The following EPB41L2 variants were observed in gnomAD, a reference collection of about 807,000 sequenced individuals.
EPB41L2 encodes the protein erythrocyte membrane protein band 4.1 like 2.
Under a neutral mutation model 113.0 loss-of-function variants are expected in EPB41L2, and 43 were observed. That is an observed-to-expected ratio of 0.38 (90% CI 0.30 to 0.49). The LOEUF (loss-of-function observed/expected upper bound fraction) is 0.49. EPB41L2 is among the 20% of genes least tolerant of loss of function. EPB41L2 has a pLI of 0.95. For synonymous variants in EPB41L2, 442 were observed against 436.7 expected (o/e 1.01, Z -0.15); for missense variants, 1,147 against 1,223.4 (o/e 0.94, Z 0.93).
At chr6:130,929,161 G>A (rs551675741) in intron 3 of EPB41L2, among the ~76,000 whole-genome samples, 1 of 152,158 alleles carries the variant, frequency 6.6e-6, no homozygotes, top group Non-Finnish European at 1.5e-5. Flanking sequence ...AACAACACAT[G>A]AAGCACATGT....
intron 1 of EPB41L2, among the ~76,000 whole-genome samples, chr6:131,006,847 C>A (rs747399206): frequency 6.6e-6 from 1 of 152,022 alleles, no homozygotes; most frequent in Non-Finnish European, 1.5e-5. Context: ...CCAGCTCAAT[C>A]CCTCTTCTCC....
intron 10 of EPB41L2, among the ~76,000 whole-genome samples, chr6:130,893,167 TTTG>T (rs1473033915): frequency 2.6e-5 from 4 of 152,164 alleles, no homozygotes; most frequent in Non-Finnish European, 4.4e-5. Flanking sequence ...TATATACATA[TTTG>T]TTGTTGTTTT....
intron 12 of EPB41L2, 45 bp downstream of exon 12, chr6:130,885,051 G>T (rs1396066822): frequency 3.1e-6 from 5 of 1,599,412 alleles, no homozygotes; most frequent in Non-Finnish European, 4.3e-6. Flanking sequence ...TACCCTCTAG[G>T]TTAAGTAAAT....
chr6:130,869,439 G>T, intron 15 of EPB41L2, 124 bp downstream of exon 15: 1 of 915,146 alleles, frequency 1.1e-6, no homozygotes, highest in Non-Finnish European at 1.6e-6. Context: ...CCTCCCATGA[G>T]AGAGAAAAAT....
chr6:130,863,688 T>C lies in EPB41L2; in HGVS notation c.2860A>G (p.Ile954Val). Residue 954 changes from isoleucine (I) to valine (V), a missense_variant, in exon 18 of 20, where the codon ATT becomes GTT. Physicochemically the swap from Ile to Val is conservative, Grantham distance 29. Coordinates refer to ENST00000337057, the MANE Select transcript of EPB41L2 (RefSeq NM_001431.4). Reference protein sequence around the residue: ...TVKGGISETRIEKRIVITGDG... With the variant: ...TVKGGISETRVEKRIVITGDG... ...CCTGTGATCACAATGCGTTTCTCAA[T>C]TCTTGTTTCAGAAATTCCACCTTTT... The C allele has an allele frequency of 6.2e-7, 1 of 1,613,800 alleles. No individual in the cohort carries two copies. The highest frequency in any genetic ancestry group is 1.3e-5 in the African/African-American group (1 of 75,054).
intron 19 of EPB41L2, among the ~76,000 whole-genome samples, chr6:130,850,467 AACG>A (rs1372074879): frequency 6.6e-6 from 1 of 152,204 alleles, no homozygotes; most frequent in African/African-American, 2.4e-5. Context: ...ATGATGAGGT[AACG>A]ACAAGGACCA....
chr6:130,897,993 GACAGAA>G lies in EPB41L2; in HGVS notation c.1236+1492_1236+1497del, dbSNP rs202182318. Among the ~76,000 whole-genome samples the G allele has an allele frequency of 5.7e-3, 850 of 149,060 alleles. 5 individuals carry two copies. Among genetic ancestry groups the G allele is most frequent in the African/African-American group, 0.02 (820 of 40,410 alleles). On this transcript the variant is annotated intron_variant, in intron 8 of 19. Coordinates refer to ENST00000337057, the MANE Select transcript of EPB41L2 (RefSeq NM_001431.4). ...ATGATGCTGCCAGAGACTACTTACT[GACAGAA>G]AAATCTTATAATAGTAAGTTAAAAA...
intron 3 of EPB41L2, among the ~76,000 whole-genome samples, chr6:130,934,955 C>T (rs1808289577): frequency 6.6e-6 from 1 of 151,798 alleles, no homozygotes; most frequent in African/African-American, 2.4e-5. Context: ...GTATACTATT[C>T]CTTAGAGAAT....
chr6:131,038,547 T>C (rs986118293), intron 1 of EPB41L2, among the ~76,000 whole-genome samples: 1 of 152,206 alleles, frequency 6.6e-6, no homozygotes, highest in African/African-American at 2.4e-5. Context: ...AAAATAATCT[T>C]GTAAAGTTAT....
intron 11 of EPB41L2, 36 bp from the exon 12 acceptor site, chr6:130,885,304 C>T (rs780466734): frequency 1.0e-5 from 16 of 1,605,444 alleles, no homozygotes; most frequent in Non-Finnish European, 1.4e-5. Flanking sequence ...TATTTTAGGA[C>T]ATATGAATCA....
intron 19 of EPB41L2, among the ~76,000 whole-genome samples, chr6:130,851,053 T>C (rs1778636921): frequency 6.6e-6 from 1 of 152,180 alleles, no homozygotes; most frequent in Non-Finnish European, 1.5e-5. Context: ...GAAGCAGTAA[T>C]AAGATGCTAA....
At chr6:130,947,020 C>T (rs1009884745) in intron 3 of EPB41L2, among the ~76,000 whole-genome samples, 2 of 138,048 alleles carry the variant, frequency 1.4e-5, no homozygotes, top group Non-Finnish European at 3.1e-5. Flanking sequence ...AAAGAAGACC[C>T]CCCCCCCAGC....
chr6:131,041,666 T>A (rs889193637), intron 1 of EPB41L2, among the ~76,000 whole-genome samples: 1 of 152,100 alleles, frequency 6.6e-6, no homozygotes, highest in African/African-American at 2.4e-5. Context: ...AATTCCAGAA[T>A]GTGGGAAACT....
At chr6:130,957,855 A>G (rs1369628824) in intron 1 of EPB41L2, among the ~76,000 whole-genome samples, 2 of 152,230 alleles carry the variant, frequency 1.3e-5, no homozygotes, top group East Asian at 3.8e-4. Flanking sequence ...TCCTGTGCCC[A>G]TTAGTAGTCA....
At chr6:130,888,444 A>T (rs769470672) in intron 11 of EPB41L2, among the ~76,000 whole-genome samples, 86 of 152,208 alleles carry the variant, frequency 5.7e-4, no homozygotes, top group Non-Finnish European at 1.0e-3. Context: ...AACCCTCTGC[A>T]CTAACTGCCC....
chr6:130,858,380 G>A, intron 18 of EPB41L2, 137 bp from the exon 19 acceptor site: 1 of 612,102 alleles, frequency 1.6e-6, no homozygotes, highest in Non-Finnish European at 2.9e-6. Context: ...GAGAAAGCAG[G>A]AAGATTTGAA....
At chr6:130,890,256 A>G (rs1196675577) in intron 11 of EPB41L2, 38 bp downstream of exon 11, 10 of 1,581,548 alleles carry the variant, frequency 6.3e-6, no homozygotes, top group Non-Finnish European at 8.6e-6. Flanking sequence ...GATTAGAGAA[A>G]GATGAATGAA....
intron 10 of EPB41L2, 152 bp downstream of exon 10, chr6:130,894,192 T>G: frequency 1.6e-6 from 1 of 626,132 alleles, no homozygotes; most frequent in Non-Finnish European, 2.9e-6. Flanking sequence ...CTTTCTTTCT[T>G]AGAAAAAAAG....
chr6:130,929,902 C>CACAT (rs1307195800), intron 3 of EPB41L2, among the ~76,000 whole-genome samples: 2 of 148,416 alleles, frequency 1.3e-5, no homozygotes, highest in Admixed American at 6.7e-5. Context: ...CACACATACA[C>CACAT]GCACAGTCAT....
Sources: gnomAD v4.1 joint callset for allele counts (sites outside exome capture counted in the v4.1 genomes callset) on GRCh38, gnomAD v4.1.1 for gene constraint, MANE v1.5 for transcripts, NCBI Gene and HGNC (gene_info 2026-07-23, HGNC 2026-07-21) for gene names.